ZSCAN1: variants seen among roughly 807,000 people sequenced by gnomAD.
The protein encoded by ZSCAN1 is zinc finger and SCAN domain-containing protein 1.
ZSCAN1 carries 23 observed loss-of-function variants against 23.8 expected under a neutral mutation model. The observed-to-expected ratio is 0.97, with a 90% confidence interval of 0.70 to 1.37. ZSCAN1 has a LOEUF of 1.37. Ranked by LOEUF, ZSCAN1 falls within the 40% of genes most tolerant of loss-of-function variation. The pLI, the probability that ZSCAN1 is intolerant of heterozygous loss-of-function variation, is 0.00. For missense variants in ZSCAN1, 575 were observed against 554.0 expected, an observed-to-expected ratio of 1.04 and a Z score of -0.38; for synonymous variants, 236 against 232.3, an observed-to-expected ratio of 1.02 and a Z score of -0.15.
chr19:58,055,379 C>A (rs2073884620), downstream of ZSCAN1, among the ~76,000 whole-genome samples: 1 of 152,180 alleles, frequency 6.6e-6, no homozygotes. Context: ...GGAGCGCCCC[C>A]TAACCGCGCC....
chr19:58,044,998 G>A (rs2073815562), intron 4 of ZSCAN1: 6 of 1,143,976 alleles, frequency 5.2e-6, no homozygotes, highest in Admixed American at 3.5e-5. Flanking sequence ...GGAGGAAGGC[G>A]GCCCTGTGTA....
At chr19:58,037,601 G>T in intron 2 of ZSCAN1, 127 bp from the exon 3 acceptor site, 1 of 442,958 alleles carries the variant, frequency 2.3e-6, no homozygotes, top group Non-Finnish European at 3.9e-6. Flanking sequence ...GTCAGAAGGT[G>T]GGAAGAGGTC....
chr19:58,048,739 G>A (rs570157717), intron 4 of ZSCAN1, among the ~76,000 whole-genome samples: 1 of 152,120 alleles, frequency 6.6e-6, no homozygotes, highest in East Asian at 1.9e-4. Flanking sequence ...ATGATGGCGT[G>A]AGCCACCGAG....
chr19:58,046,322 A>G (rs1393861428), intron 4 of ZSCAN1: 7 of 883,946 alleles, frequency 7.9e-6, no homozygotes, highest in Non-Finnish European at 1.4e-5. Context: ...CAGGAGCTCA[A>G]GAAGGAACTT....
chr19:58,039,142 C>T (rs1166236474), intron 3 of ZSCAN1, among the ~76,000 whole-genome samples: 2 of 152,240 alleles, frequency 1.3e-5, no homozygotes, highest in Non-Finnish European at 2.9e-5. Flanking sequence ...CGGTGCCACA[C>T]TTAGGAAAGC....
chr19:58,038,430 C>G, intron 3 of ZSCAN1: 1 of 629,748 alleles, frequency 1.6e-6, no homozygotes, highest in African/African-American at 1.8e-5. Context: ...ATTAAAGATC[C>G]CTCCATTTCC....
downstream of ZSCAN1, among the ~76,000 whole-genome samples, chr19:58,055,276 G>T (rs112913479): frequency 1.3e-5 from 2 of 151,970 alleles, no homozygotes; most frequent in Admixed American, 6.6e-5. Flanking sequence ...CTCTGTCCCC[G>T]ATGGCCCTCT....
At chr19:58,054,897 T>A (rs537101059), downstream of ZSCAN1, among the ~76,000 whole-genome samples, 1 of 152,256 alleles carries the variant, frequency 6.6e-6, no homozygotes, top group Non-Finnish European at 1.5e-5. This position sits in a 1 kb window ranked among gnomAD's most constrained non-coding sequence, Gnocchi z 4.2. Flanking sequence ...CATAAAAATC[T>A]GGCTTTCTGG....
In ZSCAN1 at chr19:58,037,962, G is replaced by A; in HGVS notation, c.126G>A (p.Arg42=). The A allele has an allele frequency of 6.2e-7, 1 of 1,605,840 alleles. No individual in the cohort carries two copies. Among genetic ancestry groups the A allele is most frequent in the Non-Finnish European group, 8.5e-7 (1 of 1,179,502 alleles). Residue 42 remains arginine (R), a synonymous_variant, in exon 3 of 6, where the codon CGG becomes CGA. Transcript: ENST00000282326. ...CCGAAGCCCAGCGTCTGCGCTTCCG[G>A]CAGTTCCAGTACCACGTGGCGAGCG... ...RDTEAQRLRF[R]QFQYHVASGP...
At chr19:58,042,978 G>A (rs922740391) in intron 4 of ZSCAN1, among the ~76,000 whole-genome samples, 1 of 152,268 alleles carries the variant, frequency 6.6e-6, no homozygotes, top group African/African-American at 2.4e-5. Context: ...CCTTAGGCCT[G>A]AGGCCTGGCG....
chr19:58,038,848 C>A, intron 3 of ZSCAN1, among the ~76,000 whole-genome samples: 1 of 152,230 alleles, frequency 6.6e-6, no homozygotes, highest in East Asian at 1.9e-4. Flanking sequence ...CACTGGGAGG[C>A]CAAAAGAGGC....
At chr19:58,046,434 G>C in intron 4 of ZSCAN1, 1 of 851,690 alleles carries the variant, frequency 1.2e-6, no homozygotes, top group South Asian at 1.3e-5. Flanking sequence ...GCTTGATCTC[G>C]CAGCTGGAGA....
At chr19:58,041,392 G>A (rs1006342579) in intron 4 of ZSCAN1, among the ~76,000 whole-genome samples, 1 of 152,206 alleles carries the variant, frequency 6.6e-6, no homozygotes, top group Non-Finnish European at 1.5e-5. Context: ...GCAGAACAAA[G>A]GGGCACACAT....
chr19:58,056,050 T>C (rs1253226113), downstream of ZSCAN1, among the ~76,000 whole-genome samples: 1 of 152,114 alleles, frequency 6.6e-6, no homozygotes, highest in East Asian at 1.9e-4. Context: ...CAGCTCCCAA[T>C]CCCTCTCAGT....
Position 58,040,568 on chromosome 19 carries a change from G to A in ZSCAN1, c.465+24G>A, listed in dbSNP as rs373374080. On this transcript the variant is annotated intron_variant, in intron 4 of 5. Transcript: ENST00000282326. The surrounding 1 kb of genome is among the most constrained non-coding windows in gnomAD (Gnocchi z 5.8). ...AGGTGAGCCCGGGGCCCCCAGCTCC[G>A]TGCTCCTGCACCCCAGGGCATGCGT... is the stretch of plus-strand genomic sequence containing the variant. The A allele has an allele frequency of 2.5e-6, 4 of 1,610,320 alleles. No individual in the cohort carries two copies. Among genetic ancestry groups the A allele is most frequent in the African/African-American group, 1.3e-5 (1 of 74,986 alleles).
downstream of ZSCAN1, among the ~76,000 whole-genome samples, chr19:58,054,788 A>G (rs1173260405): frequency 1.3e-5 from 2 of 152,176 alleles, no homozygotes; most frequent in Non-Finnish European, 2.9e-5. This position sits in a 1 kb window ranked among gnomAD's most constrained non-coding sequence, Gnocchi z 4.2. Context: ...TGAGGATTTC[A>G]GGCGCAGTCT....
At chr19:58,051,812 G>C (rs1469400004) in intron 4 of ZSCAN1, among the ~76,000 whole-genome samples, 1 of 152,236 alleles carries the variant, frequency 6.6e-6, no homozygotes, top group African/African-American at 2.4e-5. Context: ...GAAACCCAGA[G>C]AGCTAAAGCT....
chr19:58,046,168 A>C, intron 4 of ZSCAN1: 1 of 737,660 alleles, frequency 1.4e-6, no homozygotes, highest in East Asian at 2.4e-5. Flanking sequence ...AGAGGGCTTG[A>C]AGGAGGAAGA....
rs963170512 is a variant in ZSCAN1 at position 58,040,608 on chromosome 19, G to T, written c.465+64G>T. On this transcript the variant is annotated intron_variant, in intron 4 of 5. Coordinates refer to ENST00000282326, the MANE Select transcript of ZSCAN1 (RefSeq NM_182572.4). The surrounding 1 kb of genome is among the most constrained non-coding windows in gnomAD (Gnocchi z 5.8). ...AGGGCATGCGTGCCGCTTCTGGGAC[G>T]GCCTCAAGGATGCCCCATCCAAGGA... The T allele has an allele frequency of 2.6e-6, 4 of 1,527,868 alleles. No homozygotes were observed. The highest frequency in any genetic ancestry group is 2.7e-6 in the Non-Finnish European group (3 of 1,105,670). 94.6% of individuals were successfully genotyped at this position (1,527,868 alleles called of 1,614,324 possible). A position where few individuals can be genotyped will look rare whatever the true frequency, so the allele number is the denominator to read the frequency against.
Sources: gnomAD v4.1 joint callset for allele counts (sites outside exome capture counted in the v4.1 genomes callset) on GRCh38, gnomAD v4.1.1 for gene constraint, Gnocchi (gnomAD v3.1) non-coding constraint, MANE v1.5 for transcripts, NCBI Gene and HGNC (gene_info 2026-07-23, HGNC 2026-07-21) for gene names.